The following MROH2B variants were observed in gnomAD, a reference collection of about 807,000 sequenced individuals.
MROH2B encodes maestro heat-like repeat-containing protein family member 2B.
A neutral mutation model predicts 208.6 loss-of-function variants in MROH2B; 177 were observed. The ratio of observed to expected loss-of-function variants is 0.85; its 90% CI spans 0.75 to 0.96. The LOEUF is 0.96. MROH2B is among the 40% of genes least tolerant of loss of function. MROH2B has a pLI of 0.00. For synonymous variants in MROH2B, 728 were observed against 659.0 expected, an observed-to-expected ratio of 1.10 and a Z score of -1.60; for missense variants, 2,002 against 1,878.7, an observed-to-expected ratio of 1.07 and a Z score of -1.21.
chr5:41,000,198 G>T, intron 39 of MROH2B, 22 bp downstream of exon 39: 1 of 1,608,296 alleles, frequency 6.2e-7, no homozygotes, highest in Admixed American at 1.7e-5. Context: ...TTTTTTGGAG[G>T]CGGCATCTAT....
intron 1 of MROH2B, 80 bp downstream of exon 1, chr5:41,070,745 A>G: frequency 6.9e-7 from 1 of 1,454,488 alleles, no homozygotes; most frequent in Non-Finnish European, 9.5e-7. Context: ...CGCCACTCCC[A>G]GCCCTCATAT....
At position 41,069,740 on chromosome 5, in the gene MROH2B, T is replaced by C. The variant is rs986472721; in HGVS notation, c.41A>G (p.Asp14Gly). ...CAGCATGCCAAGAGTGAGGTTAATA[T>C]CCCCAAACATCTCTAAAACGTACAG... ...STEESIEMFG[D>G]INLTLGMLNK... Residue 14 changes from aspartate (D) to glycine (G), a missense_variant, in exon 2 of 42, where the codon GAT becomes GGT. Physicochemically the swap from Asp to Gly is moderately conservative, Grantham distance 94. Coordinates refer to ENST00000399564, the MANE Select transcript of MROH2B (RefSeq NM_173489.5). The C allele has an allele frequency of 3.1e-6, 5 of 1,604,536 alleles. No homozygotes were observed. In the African/African-American group the frequency reaches 6.7e-5, roughly 21 times the overall value.
intron 24 of MROH2B, among the ~76,000 whole-genome samples, chr5:41,027,884 T>C (rs1373360261): frequency 6.6e-6 from 1 of 152,152 alleles, no homozygotes; most frequent in Non-Finnish European, 1.5e-5. Context: ...TCATGTCCTT[T>C]GTAGGGACAT....
At chr5:41,014,590 A>G (rs560945996) in intron 29 of MROH2B, among the ~76,000 whole-genome samples, 6 of 150,032 alleles carry the variant, frequency 4.0e-5, no homozygotes, top group African/African-American at 1.3e-4. Context: ...ATATAATAAA[A>G]CAAACAAACA....
chr5:41,067,053 A>G (rs1242602591), intron 3 of MROH2B, 55 bp downstream of exon 3: 4 of 946,738 alleles, frequency 4.2e-6, no homozygotes, highest in Non-Finnish European at 6.7e-6. Flanking sequence ...TGATGTCCAC[A>G]TGGGTGCAGT....
intron 6 of MROH2B, 97 bp downstream of exon 6, chr5:41,061,473 C>T (rs1743635604): frequency 8.8e-7 from 1 of 1,132,286 alleles, no homozygotes; most frequent in African/African-American, 1.6e-5. Flanking sequence ...CAATGGCTTC[C>T]AAAAATACTG....
intron 16 of MROH2B, among the ~76,000 whole-genome samples, chr5:41,048,048 G>A (rs533492864): frequency 1.3e-5 from 2 of 152,144 alleles, no homozygotes; most frequent in African/African-American, 4.8e-5. Context: ...TTAGAACAAT[G>A]CTAAAATAGA....
intron 24 of MROH2B, among the ~76,000 whole-genome samples, chr5:41,031,736 C>T (rs1291309632): frequency 6.6e-6 from 1 of 152,038 alleles, no homozygotes; most frequent in Non-Finnish European, 1.5e-5. Context: ...CACCCTCCTC[C>T]CAACCTCCAC....
Position 41,052,561 on chromosome 5 carries a change from G to A in MROH2B, c.1134C>T (p.Ile378=). The change falls in exon 12 of 42, where the codon ATC becomes ATT. Residue 378 remains isoleucine, a synonymous_variant. Transcript: ENST00000399564. ...TATAGGACTTTTCACACATGGTTTG[G>A]ATGAGGAGAAGAACAGAATTTCTTA... ...TKVRNSVLLL[I]QTMCEKSYIE... is the part of the protein sequence containing the mutation. 1 of 1,611,070 alleles carries A rather than the reference G, an allele frequency of 6.2e-7. No individual in the cohort carries two copies. Among genetic ancestry groups the A allele is most frequent in the East Asian group, 2.2e-5 (1 of 44,752 alleles).
chr5:41,025,620 G>A (rs989259128), intron 24 of MROH2B, among the ~76,000 whole-genome samples: 1 of 152,102 alleles, frequency 6.6e-6, no homozygotes, highest in Non-Finnish European at 1.5e-5. Context: ...GGAGGAGCCG[G>A]TACCATTCCT....
intron 6 of MROH2B, among the ~76,000 whole-genome samples, chr5:41,059,980 C>CT (rs1387663986): frequency 1.3e-5 from 2 of 152,310 alleles, no homozygotes; most frequent in South Asian, 2.1e-4. Flanking sequence ...CTCCACTTGA[C>CT]TGTACCATAG....
At chr5:41,014,883 A>G (rs1195370020) in intron 29 of MROH2B, among the ~76,000 whole-genome samples, 4 of 152,168 alleles carry the variant, frequency 2.6e-5, no homozygotes, top group African/African-American at 9.7e-5. Flanking sequence ...TTCCTTTACT[A>G]AGATACAAGC....
At chr5:41,055,661 G>A in intron 10 of MROH2B, 81 bp downstream of exon 10, 1 of 992,924 alleles carries the variant, frequency 1.0e-6, no homozygotes, top group Non-Finnish European at 1.6e-6. Context: ...AAAAGACATA[G>A]GATAGGATTA....
At chr5:41,017,253 G>A (rs1363395599) in intron 28 of MROH2B, among the ~76,000 whole-genome samples, 1 of 152,168 alleles carries the variant, frequency 6.6e-6, no homozygotes, top group Non-Finnish European at 1.5e-5. Flanking sequence ...TGAGACGGAG[G>A]TTTAAAAATT....
At chr5:41,000,476 A>G (rs1021607829) in intron 38 of MROH2B, 125 bp from the exon 39 acceptor site, 6 of 1,373,062 alleles carry the variant, frequency 4.4e-6, no homozygotes, top group Admixed American at 2.7e-5. Context: ...CTTTATAGTC[A>G]TTGCTGGCAC....
At chr5:41,023,415 T>C (rs1427641472) in intron 24 of MROH2B, among the ~76,000 whole-genome samples, 2 of 152,156 alleles carry the variant, frequency 1.3e-5, no homozygotes, top group Non-Finnish European at 2.9e-5. Context: ...CAGTAGCCGA[T>C]TCGATCAACT....
rs564390256 is a variant in MROH2B at position 41,033,135 on chromosome 5, G to C, written c.2267C>G (p.Thr756Arg). 18 of 1,612,908 alleles carry C rather than the reference G, an allele frequency of 1.1e-5. No homozygotes were observed. The African/African-American group carries it at 2.0e-4, about 18-fold the overall frequency. Residue 756 changes from threonine (T) to arginine (R), a missense_variant, in exon 23 of 42, where the codon ACA becomes AGA. Physicochemically the swap from Thr to Arg is moderately conservative, Grantham distance 71. Transcript: ENST00000399564. ...AATGCCAATCTCAGTGATGCTTCTT[G>C]TGAAACTCATTTGCAGATCCATGTC... ...NKDMDLQMSF[T>R]RSITEIGIAV...
At chr5:40,999,592 G>A in intron 40 of MROH2B, 85 bp downstream of exon 40, 1 of 1,115,486 alleles carries the variant, frequency 9.0e-7, no homozygotes, top group South Asian at 1.7e-5. Context: ...TCCTACTAGT[G>A]TTCATACTGG....
intron 18 of MROH2B, among the ~76,000 whole-genome samples, chr5:41,043,344 G>T (rs745721363): frequency 4.6e-5 from 7 of 152,166 alleles, no homozygotes; most frequent in Non-Finnish European, 1.0e-4. Context: ...CTATAATAAG[G>T]AAATTATAGT....
Sources: allele counts gnomAD v4.1 joint callset (sites outside exome capture counted in the v4.1 genomes callset), GRCh38; gene constraint gnomAD v4.1.1; transcripts MANE v1.5; gene names NCBI Gene and HGNC (gene_info 2026-07-23, HGNC 2026-07-21).